The following ADAMTSL1 variants were observed in gnomAD, a reference collection of about 807,000 sequenced individuals.
The protein encoded by ADAMTSL1 is ADAMTS like 1.
ADAMTSL1 carries 126 observed loss-of-function variants against 201.8 expected under a neutral mutation model. That is an observed-to-expected ratio of 0.62 (90% CI 0.54 to 0.72). ADAMTSL1 has a LOEUF of 0.72. Among genes scored for constraint, ADAMTSL1 ranks in the 30% least tolerant of loss-of-function variants. ADAMTSL1 has a pLI of 0.00. For missense variants in ADAMTSL1, 2,679 were observed against 2,277.8 expected, an observed-to-expected ratio of 1.18 and a Z score of -3.59; for synonymous variants, 1,121 against 903.4, an observed-to-expected ratio of 1.24 and a Z score of -4.32.
intron 1 of ADAMTSL1, among the ~76,000 whole-genome samples, chr9:17,938,240 G>GT (rs1036083957): frequency 2.0e-5 from 3 of 152,080 alleles, no homozygotes; most frequent in African/African-American, 4.8e-5. Context: ...TCAGGGAGGC[G>GT]TAACAGTCCT....
chr9:17,964,863 A>ATTTCT (rs960259018), intron 1 of ADAMTSL1, among the ~76,000 whole-genome samples: 1 of 151,824 alleles, frequency 6.6e-6, no homozygotes, highest in Non-Finnish European at 1.5e-5. Flanking sequence ...CTTCATCTGG[A>ATTTCT]TTTCTTTTCT....
chr9:18,887,353 G>A (rs1363425051), intron 23 of ADAMTSL1, among the ~76,000 whole-genome samples: 1 of 152,158 alleles, frequency 6.6e-6, no homozygotes, highest in African/African-American at 2.4e-5. Context: ...CCTAGTCTCT[G>A]ATTGGAAAAA....
intron 2 of ADAMTSL1, among the ~76,000 whole-genome samples, chr9:18,435,433 A>G (rs759386170): frequency 6.6e-6 from 1 of 152,214 alleles, no homozygotes; most frequent in Non-Finnish European, 1.5e-5. Context: ...AGAATTGTTC[A>G]AATACTCACA....
chr9:17,916,364 A>C (rs189653137), intron 1 of ADAMTSL1, among the ~76,000 whole-genome samples: 1 of 152,212 alleles, frequency 6.6e-6, no homozygotes, highest in Non-Finnish European at 1.5e-5. Context: ...TTCCTGGACA[A>C]TTGTGATTTT....
At chr9:18,819,360 G>C (rs1333959542) in intron 21 of ADAMTSL1, among the ~76,000 whole-genome samples, 1 of 151,932 alleles carries the variant, frequency 6.6e-6, no homozygotes, top group South Asian at 2.1e-4. Flanking sequence ...GGAGGCTGAG[G>C]CATGAGAGTC....
intron 1 of ADAMTSL1, among the ~76,000 whole-genome samples, chr9:17,953,830 G>A (rs187257312): frequency 2.6e-5 from 4 of 152,292 alleles, no homozygotes; most frequent in African/African-American, 9.6e-5. Flanking sequence ...TTGATTTTGT[G>A]TGTGAGGAGT....
chr9:18,287,849 G>A (rs988377055), intron 2 of ADAMTSL1, among the ~76,000 whole-genome samples: 6 of 152,124 alleles, frequency 3.9e-5, no homozygotes, highest in African/African-American at 1.4e-4. Flanking sequence ...TTATATTACT[G>A]TCAAACTATT....
intron 16 of ADAMTSL1, among the ~76,000 whole-genome samples, chr9:18,761,062 A>T (rs1478897393): frequency 2.0e-5 from 3 of 152,202 alleles, no homozygotes; most frequent in African/African-American, 7.2e-5. Flanking sequence ...GTACTCAATA[A>T]ATGTTTGGTG....
intron 1 of ADAMTSL1, among the ~76,000 whole-genome samples, chr9:18,057,150 T>C: frequency 6.6e-6 from 1 of 152,182 alleles, no homozygotes; most frequent in East Asian, 1.9e-4. Flanking sequence ...GTTTTTCTAG[T>C]ATGTGGTCTT....
At chr9:18,532,946 C>G (rs1819533706) in intron 2 of ADAMTSL1, among the ~76,000 whole-genome samples, 1 of 151,658 alleles carries the variant, frequency 6.6e-6, no homozygotes, top group Non-Finnish European at 1.5e-5. Flanking sequence ...AATTGAATGT[C>G]AGTTTTTTCA....
chr9:18,715,638 T>C (rs2133384802), intron 14 of ADAMTSL1, among the ~76,000 whole-genome samples: 1 of 152,182 alleles, frequency 6.6e-6, no homozygotes, highest in African/African-American at 2.4e-5. Flanking sequence ...GAAGAATCAA[T>C]ATCATGAAAA....
chr9:18,101,589 C>T (rs923866306), intron 1 of ADAMTSL1, among the ~76,000 whole-genome samples: 3 of 152,000 alleles, frequency 2.0e-5, no homozygotes, highest in Non-Finnish European at 4.4e-5. Context: ...ACATTCCCAT[C>T]AAAATATTTG....
At position 18,132,008 on chromosome 9, in the gene ADAMTSL1, T is replaced by G. The variant is rs550412490; in HGVS notation, c.88-31854T>G. 2.6e-5 allele frequency among the ~76,000 whole-genome samples: 4 copies of G among 152,270 alleles called. No homozygotes were observed. The East Asian group carries it at 7.7e-4, about 29-fold the overall frequency. ...GTAACATCAGTGTTAATTCCTGAATTTATAGAATCACTCTGATTTGTCACC... is the reference window on the plus strand; with the variant it reads ...GTAACATCAGTGTTAATTCCTGAATGTATAGAATCACTCTGATTTGTCACC... On this transcript the variant is annotated intron_variant, in intron 1 of 29. Transcript: ENST00000680146.
At chr9:18,280,987 C>T (rs963892201) in intron 2 of ADAMTSL1, among the ~76,000 whole-genome samples, 15 of 151,394 alleles carry the variant, frequency 9.9e-5, no homozygotes, top group African/African-American at 1.5e-4. Flanking sequence ...GTGATCCTTC[C>T]GCCTCAGCCT....
At chr9:18,330,120 T>A (rs966217971) in intron 2 of ADAMTSL1, among the ~76,000 whole-genome samples, 4 of 152,158 alleles carry the variant, frequency 2.6e-5, no homozygotes, top group African/African-American at 9.7e-5. Context: ...AGAAATAAAA[T>A]GTCCTTATTT....
At position 17,939,188 on chromosome 9, in the gene ADAMTSL1, C is replaced by T. The variant is rs142605662; in HGVS notation, c.87+32266C>T. ...CAGAAAATTCTCTTTATCTCCAAACCATTTTTATCTTGTTTCTTACTTGGT... is the reference window on the plus strand; with the variant it reads ...CAGAAAATTCTCTTTATCTCCAAACTATTTTTATCTTGTTTCTTACTTGGT... On this transcript the variant is annotated intron_variant, in intron 1 of 29. Coordinates refer to the ADAMTSL1 transcript ENST00000680146. 4.7e-3 allele frequency among the ~76,000 whole-genome samples: 712 copies of T among 152,166 alleles called. 2 individuals are homozygous for T. Among genetic ancestry groups the T allele is most frequent in the Non-Finnish European group, 7.6e-3 (518 of 67,986 alleles).
intron 3 of ADAMTSL1, among the ~76,000 whole-genome samples, chr9:18,573,701 G>C (rs1822498360): frequency 6.6e-6 from 1 of 152,176 alleles, no homozygotes; most frequent in African/African-American, 2.4e-5. Context: ...AAGTCAAAAT[G>C]ATAGTACAGT....
At chr9:18,468,825 C>T (rs993196040) in intron 2 of ADAMTSL1, among the ~76,000 whole-genome samples, 1 of 152,162 alleles carries the variant, frequency 6.6e-6, no homozygotes, top group African/African-American at 2.4e-5. Context: ...TGAATTAAGT[C>T]TTGTAGGGAG....
intron 23 of ADAMTSL1, among the ~76,000 whole-genome samples, chr9:18,853,887 C>CTGTGTGTGTGTGTGTGTG (rs529993480): frequency 1.5e-4 from 12 of 80,826 alleles, no homozygotes; most frequent in African/African-American, 4.1e-4. Flanking sequence ...TGTATTCACT[C>CTGTGTGTGTGTGTGTGTG]TCTGTGTGTG....
Sources: gnomAD v4.1 joint callset for allele counts (sites outside exome capture counted in the v4.1 genomes callset) on GRCh38, gnomAD v4.1.1 for gene constraint, MANE v1.5 for transcripts, NCBI Gene and HGNC (gene_info 2026-07-23, HGNC 2026-07-21) for gene names.